Variants in ANKRD17 observed in about 807,000 individuals in gnomAD.
ANKRD17 encodes the protein ankyrin repeat domain-containing protein 17.
ANKRD17 carries 19 observed loss-of-function variants against 229.7 expected under a neutral mutation model. That is an observed-to-expected ratio of 0.08 (90% CI 0.06 to 0.12). The LOEUF is 0.12. Among genes scored for constraint, ANKRD17 ranks in the 10% least tolerant of loss-of-function variants. The probability of loss-of-function intolerance (pLI) is 1.00; values close to 1 mark genes in which losing one functional copy is unlikely to be tolerated. For missense variants in ANKRD17, 2,176 were observed against 3,176.8 expected (o/e 0.68, Z 7.57); for synonymous variants, 1,112 against 1,146.1 (o/e 0.97, Z 0.60).
rs1178411087 is a variant in ANKRD17, at chr4:73,097,382, T to G, written c.5022-110A>C. 4.3e-6 allele frequency: 4 copies of G among 920,656 alleles called. No homozygotes were observed. In the Admixed American group the frequency reaches 1.4e-4, roughly 32 times the overall value. 57.0% of individuals were successfully genotyped at this position (920,656 alleles called of 1,614,324 possible). The stretch of plus-strand genomic sequence containing the variant: ...TAAAAATTTATTTTTAAATAACAAA[T>G]GACGACCTTATTTTTCACTTCTCCT... On this transcript the variant is annotated intron_variant, in intron 26 of 33. Transcript: ENST00000358602.
chr4:73,191,375 G>GTGTGTGTGTGTT (rs1737075967), intron 1 of ANKRD17, among the ~76,000 whole-genome samples: 2 of 150,904 alleles, frequency 1.3e-5, no homozygotes, highest in African/African-American at 2.4e-5. Context: ...GTGTGTGTGT[G>GTGTGTGTGTGTT]TGTGTGTGTG....
chr4:73,192,768 C>T (rs1737310496), intron 1 of ANKRD17, among the ~76,000 whole-genome samples: 1 of 152,082 alleles, frequency 6.6e-6, no homozygotes, highest in African/African-American at 2.4e-5. Flanking sequence ...TGAAAGTATG[C>T]ATATGCAACC....
In ANKRD17 at chr4:73,182,051, C is replaced by CAAAAAA. The variant is rs143812968; in HGVS notation, c.394-4524_394-4519dup. 2.5e-4 allele frequency among the ~76,000 whole-genome samples: 11 copies of CAAAAAA among 43,258 alleles called. 1 individual carries two copies. Among genetic ancestry groups the CAAAAAA allele is most frequent in the East Asian group, 1.0e-3 (1 of 966 alleles). 28.4% of individuals were successfully genotyped at this position (43,258 alleles called of 152,430 possible). ...CGACAGAGCAAGACTCCGTCCCCAC[C>CAAAAAA]AAAAAAAAAAAAAAAAAAAAAAAAA... On this transcript the variant is annotated intron_variant, in intron 1 of 33. Transcript: ENST00000358602.
chr4:73,079,893 T>C (rs1437034050), intron 30 of ANKRD17, among the ~76,000 whole-genome samples: 3 of 152,142 alleles, frequency 2.0e-5, no homozygotes, highest in Admixed American at 6.6e-5. Context: ...GGCGGGCGGA[T>C]CATGGGATCA....
chr4:73,157,954 T>A (rs1251408759), intron 3 of ANKRD17, among the ~76,000 whole-genome samples: 2 of 151,646 alleles, frequency 1.3e-5, no homozygotes, highest in African/African-American at 4.8e-5. Flanking sequence ...TAGCCGGGCA[T>A]GGCAGCGTGG....
chr4:73,085,966 G>A (rs1483000276), intron 29 of ANKRD17, among the ~76,000 whole-genome samples: 1 of 152,120 alleles, frequency 6.6e-6, no homozygotes, highest in African/African-American at 2.4e-5. Context: ...ATGCCAGCCT[G>A]AGTGACAGAG....
chr4:73,083,047 TACAC>T (rs370498449), intron 30 of ANKRD17, among the ~76,000 whole-genome samples: 1 of 152,184 alleles, frequency 6.6e-6, no homozygotes, highest in Non-Finnish European at 1.5e-5. Flanking sequence ...AAAATAATTT[TACAC>T]ACACACAGAG....
At chr4:73,229,484 C>T (rs1044276115) in intron 1 of ANKRD17, among the ~76,000 whole-genome samples, 2 of 151,822 alleles carry the variant, frequency 1.3e-5, no homozygotes, top group Non-Finnish European at 2.9e-5. Flanking sequence ...ATCATTTCTA[C>T]TTTTCAAGAA....
rs1245390298 is a variant in ANKRD17 at position 73,120,397 on chromosome 4, G to A, written c.3850-60C>T. 8 of 1,490,626 alleles carry A rather than the reference G, an allele frequency of 5.4e-6. No homozygotes were observed. In the Admixed American group the frequency reaches 1.6e-4, roughly 29 times the overall value. The allele number at this position is 1,490,626 out of a possible 1,614,324, so 92.3% of individuals were successfully genotyped here. ...TAAGAGACTGGAAAGATCTAAAATT[G>A]TAAAGAATAACAACTTGAAGAAGGA... On this transcript the variant is annotated intron_variant, in intron 20 of 33. Transcript: ENST00000358602.
Position 73,120,194 on chromosome 4 carries a change from C to T in ANKRD17, c.3993G>A (p.Gly1331=), listed in dbSNP as rs1324436428. Reference sequence around the variant, plus strand: ...TAAGAAGCTCACAGAATTTGTAATGCCCTTTATCTGCTGCTATGGTTAAAG... The same window carrying T: ...TAAGAAGCTCACAGAATTTGTAATGTCCTTTATCTGCTGCTATGGTTAAAG... ...DTALTIAADK[G]HYKFCELLIG... is the part of the protein sequence containing the mutation. Residue 1331 remains glycine, a synonymous_variant, in exon 21 of 34, where the codon GGG becomes GGA. Coordinates refer to ENST00000358602, the MANE Select transcript of ANKRD17 (RefSeq NM_032217.5). 6 of 1,613,790 alleles carry T rather than the reference C, an allele frequency of 3.7e-6. No individual in the cohort carries two copies. Among genetic ancestry groups the T allele is most frequent in the Non-Finnish European group, 2.5e-6 (3 of 1,179,982 alleles).
At chr4:73,172,756 G>A (rs1255782510) in intron 2 of ANKRD17, among the ~76,000 whole-genome samples, 2 of 152,008 alleles carry the variant, frequency 1.3e-5, no homozygotes, top group South Asian at 2.1e-4. Flanking sequence ...TTAAAATAAT[G>A]GGTTATAAGA....
At chr4:73,161,740 T>C (rs1469046049) in intron 2 of ANKRD17, among the ~76,000 whole-genome samples, 2 of 152,146 alleles carry the variant, frequency 1.3e-5, no homozygotes, top group Admixed American at 6.5e-5. Context: ...AAAGTCAACA[T>C]AGAGGAGAAC....
chr4:73,146,770 T>A lies in ANKRD17; in HGVS notation c.1863A>T (p.Ala621=). The change falls in exon 10 of 34, where the codon GCA becomes GCT. Residue 621 remains alanine (A), a synonymous_variant. Coordinates refer to ENST00000358602, the MANE Select transcript of ANKRD17 (RefSeq NM_032217.5). The part of the protein sequence containing the change: ...DVADVLLQAG[A]DLEHESEGGR... ...AAAAAGTAACATAGCTTACCAGATCTGCGCCTGCCTGAAGTAAGACATCTG... is the reference window on the plus strand; with the variant it reads ...AAAAAGTAACATAGCTTACCAGATCAGCGCCTGCCTGAAGTAAGACATCTG... 6.2e-7 allele frequency: 1 copy of A among 1,602,300 alleles called. No individual in the cohort carries two copies. The highest frequency in any genetic ancestry group is 1.1e-5 in the South Asian group (1 of 89,172).
In ANKRD17 at chr4:73,258,423, G is replaced by T. The variant is rs770629532; in HGVS notation, c.246C>A (p.Pro82=). The part of the protein sequence containing the change: ...HKAKRNRTCR[P]PSSSESSSDS... The stretch of plus-strand genomic sequence containing the variant: ...CGCTGCTGCTTTCGCTGCTGCTGGG[G>T]GGTCGGCAAGTCCGGTTACGCTTGG... Residue 82 remains proline (P), a synonymous_variant, in exon 1 of 34, where the codon CCC becomes CCA. Transcript: ENST00000358602. The T allele has an allele frequency of 8.7e-6, 14 of 1,610,502 alleles. No individual in the cohort carries two copies. The African/African-American group carries it at 1.9e-4, about 22-fold the overall frequency.
chr4:73,203,200 C>T (rs1033961577), intron 1 of ANKRD17, among the ~76,000 whole-genome samples: 2 of 152,190 alleles, frequency 1.3e-5, no homozygotes, highest in Admixed American at 1.3e-4. Flanking sequence ...TAGTTTACAG[C>T]TCCCCAACAC....
chr4:73,106,817 T>TGCGCCGAGTGA (rs768437830), intron 24 of ANKRD17, among the ~76,000 whole-genome samples: 15 of 148,138 alleles, frequency 1.0e-4, no homozygotes, highest in Non-Finnish European at 1.8e-4. Flanking sequence ...AGGCGGAGGT[T>TGCGCCGAGTGA]GCAGTGAGCC....
At chr4:73,178,221 T>C (rs931423830) in intron 1 of ANKRD17, among the ~76,000 whole-genome samples, 4 of 152,204 alleles carry the variant, frequency 2.6e-5, no homozygotes, top group African/African-American at 9.6e-5. Flanking sequence ...TTGATAACTA[T>C]AGTTTTTCGT....
chr4:73,116,032 T>A (rs1725899114), intron 22 of ANKRD17, 116 bp from the exon 23 acceptor site: 1 of 765,916 alleles, frequency 1.3e-6, no homozygotes, highest in African/African-American at 1.7e-5. Flanking sequence ...CTAAATTGCA[T>A]ATTTACACTA....
At chr4:73,213,175 A>G (rs961496627) in intron 1 of ANKRD17, among the ~76,000 whole-genome samples, 49 of 152,210 alleles carry the variant, frequency 3.2e-4, no homozygotes, top group Non-Finnish European at 1.2e-4. Flanking sequence ...TTATGATGAC[A>G]GTGCATAAAT....
Sources: allele counts gnomAD v4.1 joint callset (sites outside exome capture counted in the v4.1 genomes callset), GRCh38; gene constraint gnomAD v4.1.1; transcripts MANE v1.5; gene names NCBI Gene and HGNC (gene_info 2026-07-23, HGNC 2026-07-21).